Variants in LHPP observed in about 807,000 individuals in gnomAD.
LHPP encodes phospholysine phosphohistidine inorganic pyrophosphate phosphatase.
A neutral mutation model predicts 30.3 loss-of-function variants in LHPP; 24 were observed. The observed-to-expected ratio is 0.79, with a 90% CI of 0.57 to 1.11. The LOEUF (loss-of-function observed/expected upper bound fraction) is 1.11. Among genes scored for constraint, LHPP ranks in the 50% most tolerant of loss-of-function variants. The pLI is 0.00. For missense variants in LHPP, 356 were observed against 367.2 expected, an observed-to-expected ratio of 0.97 and a Z score of 0.25; for synonymous variants, 150 against 157.1, an observed-to-expected ratio of 0.95 and a Z score of 0.34.
chr10:124,497,024 G>A lies in LHPP; in HGVS notation c.531G>A (p.Glu177=). 1.2e-6 allele frequency: 2 copies of A among 1,613,600 alleles called. No homozygotes were observed. Among genetic ancestry groups the A allele is most frequent in the Admixed American group, 1.7e-5 (1 of 60,012 alleles). The change falls in exon 4 of 7, where the codon GAG becomes GAA. Residue 177 remains glutamate, a splice_region_variant and synonymous_variant. Transcript: ENST00000368842. ...TTGGTCCCTACATGAAGGCGCTTGA[G>A]GTACCAGCCCTGGTTCTGTCCCAAA... The part of the protein sequence containing the change: ...LDVGPYMKAL[E]YACGIKAEVV...
chr10:124,498,587 A>C, intron 5 of LHPP: 1 of 946,772 alleles, frequency 1.1e-6, no homozygotes, highest in Non-Finnish European at 1.5e-6. Context: ...ATCGGTTATG[A>C]TTTTATTGTC....
chr10:124,529,523 C>T (rs905269736), intron 6 of LHPP, among the ~76,000 whole-genome samples: 9 of 152,100 alleles, frequency 5.9e-5, no homozygotes, highest in East Asian at 3.9e-4. Flanking sequence ...GGCTGCTCTC[C>T]GACTGTGGCA....
At chr10:124,475,750 A>G (rs12784000) in intron 1 of LHPP, among the ~76,000 whole-genome samples, 59,968 of 151,782 alleles carry the variant, frequency 0.4, 12,896 homozygotes, top group Non-Finnish European at 0.48. Flanking sequence ...CCCTGCAGCC[A>G]CCATGGCCCT....
intron 6 of LHPP, among the ~76,000 whole-genome samples, chr10:124,610,399 T>C (rs1949159907): frequency 6.7e-6 from 1 of 148,336 alleles, no homozygotes; most frequent in Admixed American, 6.6e-5. Flanking sequence ...CGGGTGAGGG[T>C]GCTGGTGGAG....
At chr10:124,524,239 A>G (rs1954676509) in intron 6 of LHPP, among the ~76,000 whole-genome samples, 2 of 150,706 alleles carry the variant, frequency 1.3e-5, no homozygotes, top group South Asian at 2.1e-4. Context: ...ACAATCACTA[A>G]TCTACTTTAT....
At chr10:124,466,266 G>A (rs1254946) in intron 1 of LHPP, among the ~76,000 whole-genome samples, 40,067 of 152,102 alleles carry the variant, frequency 0.26, 6,270 homozygotes, top group East Asian at 0.45. Context: ...TGCACGGTGC[G>A]CTGTTTCTGG....
Position 124,541,585 on chromosome 10 carries a change from G to A in LHPP, c.716+24314G>A, listed in dbSNP as rs2133945337. Among the ~76,000 whole-genome samples the A allele has an allele frequency of 6.6e-6, 1 of 152,184 alleles. No homozygotes were observed. The highest frequency in any genetic ancestry group is 3.4e-3 in the Middle Eastern group (1 of 294). The stretch of plus-strand genomic sequence containing the variant: ...TCGAAAGTCTCATGCCTGTCTGCAG[G>A]ACCCCCGCGTGAGCCTGGGACCACC... On this transcript the variant is annotated intron_variant, in intron 6 of 6. Transcript: ENST00000368842. This position sits in a 1 kb window ranked among gnomAD's most constrained non-coding sequence, Gnocchi z 4.2.
chr10:124,613,168 G>T, intron 6 of LHPP, 96 bp from the exon 7 acceptor site: 1 of 982,948 alleles, frequency 1.0e-6, no homozygotes, highest in Non-Finnish European at 1.6e-6. Flanking sequence ...GTTTCCTCAA[G>T]CTAAGGCCAG....
chr10:124,499,097 C>T (rs963855518), intron 5 of LHPP, among the ~76,000 whole-genome samples: 5 of 151,426 alleles, frequency 3.3e-5, no homozygotes, highest in Non-Finnish European at 5.9e-5. Context: ...CCAGGCTGGT[C>T]TCAAATTCCT....
Position 124,498,123 on chromosome 10 carries a change from C to T in LHPP, c.619C>T (p.His207Tyr), listed in dbSNP as rs761782286. Residue 207 changes from histidine to tyrosine, a missense_variant, in exon 5 of 7, where the codon CAC becomes TAC. By Grantham distance (83) the His-to-Tyr change is moderately conservative. Transcript: ENST00000368842. ...SALQAIGVEA[H>Y]QAVMIGDDIV... ...CCTGCAAGCGATAGGAGTGGAAGCC[C>T]ACCAGGTAGGTTGGCGCCTTGTGAA... 1.2e-6 allele frequency: 2 copies of T among 1,612,490 alleles called. No individual in the cohort carries two copies. The highest frequency in any genetic ancestry group is 4.5e-5 in the East Asian group (2 of 44,878).
chr10:124,613,376 GCCCCGCCTCCTCCAC>G lies in LHPP; in HGVS notation c.*20_*34del. 2 of 1,585,804 alleles carry G rather than the reference GCCCCGCCTCCTCCAC, an allele frequency of 1.3e-6. No homozygotes were observed. The highest frequency in any genetic ancestry group is 1.7e-6 in the Non-Finnish European group (2 of 1,158,186). ...CGACAAGTGATGGCCTCCTGGGAGAGCCCCGCCTCCTCCACCCCTGCCTCTCCTCCACCCCTGCCT... is the reference window on the plus strand; with the variant it reads ...CGACAAGTGATGGCCTCCTGGGAGAGCCCTGCCTCTCCTCCACCCCTGCCT... On this transcript the variant is annotated 3_prime_UTR_variant, in exon 7 of 7. Transcript: ENST00000368842.
At chr10:124,536,688 G>T (rs1297620760) in intron 6 of LHPP, among the ~76,000 whole-genome samples, 1 of 152,180 alleles carries the variant, frequency 6.6e-6, no homozygotes, top group Admixed American at 6.5e-5. Flanking sequence ...GGTACCTGGT[G>T]CCATTTTGGA....
At chr10:124,539,136 GTTTTTCCT>G (rs1955112526) in intron 6 of LHPP, among the ~76,000 whole-genome samples, 1 of 152,152 alleles carries the variant, frequency 6.6e-6, no homozygotes, top group Non-Finnish European at 1.5e-5. Context: ...GGACCCCCAA[GTTTTTCCT>G]GTGGCTCGTC....
intron 3 of LHPP, among the ~76,000 whole-genome samples, chr10:124,493,312 C>T (rs1564786705): frequency 6.6e-6 from 1 of 152,090 alleles, no homozygotes; most frequent in Non-Finnish European, 1.5e-5. Flanking sequence ...GCCTGAGGAC[C>T]CCCCGAGAGC....
chr10:124,587,366 T>C (rs1240943542), intron 6 of LHPP, among the ~76,000 whole-genome samples: 4 of 151,116 alleles, frequency 2.6e-5, no homozygotes, highest in African/African-American at 9.7e-5. Context: ...ATTCCTACCA[T>C]GGCTGATTTC....
chr10:124,464,505 G>A (rs371825520), intron 1 of LHPP, among the ~76,000 whole-genome samples: 7 of 152,192 alleles, frequency 4.6e-5, no homozygotes, highest in African/African-American at 1.7e-4. Context: ...AGCACAAAGG[G>A]CAGCCCAGAC....
chr10:124,494,216 A>G (rs1056239654), intron 3 of LHPP, among the ~76,000 whole-genome samples: 1 of 152,172 alleles, frequency 6.6e-6, no homozygotes, highest in African/African-American at 2.4e-5. Context: ...ACTTGAGGCC[A>G]GAGGAAGTGG....
At chr10:124,547,987 T>A (rs1315168810) in intron 6 of LHPP, among the ~76,000 whole-genome samples, 2 of 152,242 alleles carry the variant, frequency 1.3e-5, no homozygotes, top group Non-Finnish European at 2.9e-5. Flanking sequence ...CCCCTGTGCC[T>A]GGTGAGCCTG....
At chr10:124,479,779 T>C (rs1257886468) in intron 1 of LHPP, among the ~76,000 whole-genome samples, 2 of 152,214 alleles carry the variant, frequency 1.3e-5, no homozygotes, top group Admixed American at 6.5e-5. Flanking sequence ...TGCAGTCACA[T>C]TGGGGGTTAG....
Sources: gnomAD v4.1 joint callset for allele counts (sites outside exome capture counted in the v4.1 genomes callset) on GRCh38, gnomAD v4.1.1 for gene constraint, Gnocchi (gnomAD v3.1) non-coding constraint, MANE v1.5 for transcripts, NCBI Gene and HGNC (gene_info 2026-07-23, HGNC 2026-07-21) for gene names.